Variants in MAF observed in about 807,000 individuals in gnomAD.
MAF encodes the protein MAF bZIP transcription factor.
A neutral mutation model predicts 22.0 loss-of-function variants in MAF; 10 were observed. That is an observed-to-expected ratio of 0.45 (90% confidence interval 0.28 to 0.77). The LOEUF (loss-of-function observed/expected upper bound fraction) is 0.77. Ranked by LOEUF, MAF falls within the 30% of genes least tolerant of loss-of-function variation. The probability of loss-of-function intolerance (pLI) is 0.12; values close to 1 mark genes in which losing one functional copy is unlikely to be tolerated. For synonymous variants in MAF, 337 were observed against 255.8 expected (o/e 1.32, Z -3.03); for missense variants, 544 against 548.4 (o/e 0.99, Z 0.08).
chr16:79,430,118 C>G, the MAF span, among the ~76,000 whole-genome samples: 1 of 152,316 alleles, frequency 6.6e-6, no homozygotes, highest in East Asian at 1.9e-4. Flanking sequence ...CCCAGCCTCC[C>G]GCTTCAGCTC....
downstream of MAF, chr16:79,593,835 G>A (rs539981656): frequency 2.2e-5 from 4 of 180,876 alleles, no homozygotes; most frequent in Non-Finnish European, 3.5e-5. Flanking sequence ...CACACAGAGG[G>A]TGTGTATTTA....
chr16:79,389,171 G>A, the MAF span, among the ~76,000 whole-genome samples: 1 of 152,160 alleles, frequency 6.6e-6, no homozygotes, highest in Non-Finnish European at 1.5e-5. Context: ...GCAGCCAATG[G>A]TCAGACCCCA....
the MAF span, among the ~76,000 whole-genome samples, chr16:79,381,501 G>C: frequency 6.6e-6 from 1 of 152,212 alleles, no homozygotes; most frequent in African/African-American, 2.4e-5. Flanking sequence ...AAAAGAAAGA[G>C]CGCTGTGGTT....
the MAF span, among the ~76,000 whole-genome samples, chr16:79,334,529 T>C: frequency 5.8e-3 from 877 of 152,290 alleles, 7 homozygotes; most frequent in Non-Finnish European, 6.9e-3. Flanking sequence ...CATGGAATAA[T>C]TCATTGATCT....
At chr16:79,252,751 A>C in the MAF span, among the ~76,000 whole-genome samples, 1 of 152,100 alleles carries the variant, frequency 6.6e-6, no homozygotes, top group Non-Finnish European at 1.5e-5. Context: ...CAGGCTCCCA[A>C]AGTGCTGGGA....
chr16:79,432,508 T>C, the MAF span, among the ~76,000 whole-genome samples: 21 of 152,266 alleles, frequency 1.4e-4, no homozygotes, highest in East Asian at 3.9e-3. Context: ...TAAATAAAAG[T>C]TATATGAATA....
At chr16:79,544,355 T>C in the MAF span, among the ~76,000 whole-genome samples, 1 of 152,104 alleles carries the variant, frequency 6.6e-6, no homozygotes, top group Non-Finnish European at 1.5e-5. Context: ...ACAACACAGA[T>C]CTAGAAGAGT....
the MAF span, among the ~76,000 whole-genome samples, chr16:79,466,521 A>G: frequency 6.6e-6 from 1 of 152,204 alleles, no homozygotes; most frequent in African/African-American, 2.4e-5. Flanking sequence ...ACCGTCTTAT[A>G]CTCATCAAGG....
chr16:79,430,376 G>A, the MAF span, among the ~76,000 whole-genome samples: 4 of 152,162 alleles, frequency 2.6e-5, no homozygotes. Flanking sequence ...ACTAGCCACC[G>A]CAGGTGTCAA....
At chr16:79,339,207 C>A in the MAF span, among the ~76,000 whole-genome samples, 2 of 151,904 alleles carry the variant, frequency 1.3e-5, 1 homozygote, top group Admixed American at 1.3e-4. Flanking sequence ...GTAGCTGGTA[C>A]TACAGGCACC....
At chr16:79,268,975 A>G in the MAF span, among the ~76,000 whole-genome samples, 5 of 152,346 alleles carry the variant, frequency 3.3e-5, no homozygotes, top group African/African-American at 1.2e-4. Context: ...ATTAAGAGAT[A>G]AAAGCTCCTC....
At chr16:79,381,394 A>T in the MAF span, among the ~76,000 whole-genome samples, 1 of 152,338 alleles carries the variant, frequency 6.6e-6, no homozygotes, top group African/African-American at 2.4e-5. Context: ...CGAAGCCCAG[A>T]TAAGTGTGTT....
At chr16:79,433,279 T>A in the MAF span, among the ~76,000 whole-genome samples, 16,109 of 129,994 alleles carry the variant, frequency 0.12, 981 homozygotes, top group East Asian at 0.23. Flanking sequence ...AAAAAAAAAA[T>A]ATATATATAT....
At chr16:79,507,626 T>C in the MAF span, among the ~76,000 whole-genome samples, 6 of 151,698 alleles carry the variant, frequency 4.0e-5, no homozygotes, top group Admixed American at 1.3e-4. Flanking sequence ...GGGGTTTCAC[T>C]ATGTTAGCCA....
At chr16:79,305,913 T>C in the MAF span, among the ~76,000 whole-genome samples, 1 of 152,320 alleles carries the variant, frequency 6.6e-6, no homozygotes, top group Middle Eastern at 3.4e-3. Context: ...CATGCTTTTC[T>C]GCCACCCAAG....
At chr16:79,446,438 A>G in the MAF span, among the ~76,000 whole-genome samples, 1 of 152,130 alleles carries the variant, frequency 6.6e-6, no homozygotes, top group Non-Finnish European at 1.5e-5. Flanking sequence ...TGTGAGTATT[A>G]ATAGCACCCT....
At chr16:79,500,698 G>A in the MAF span, among the ~76,000 whole-genome samples, 3 of 152,196 alleles carry the variant, frequency 2.0e-5, no homozygotes, top group African/African-American at 4.8e-5. Context: ...TCGTCTCTGG[G>A]AAAGGTACAC....
the MAF span, among the ~76,000 whole-genome samples, chr16:79,563,622 A>C: frequency 2.0e-5 from 3 of 152,110 alleles, no homozygotes; most frequent in South Asian, 2.1e-4. Context: ...AAATCATTTT[A>C]GCTGTTTCTC....
At chr16:79,595,012 A>C in intron 1 of MAF, 5 of 1,059,772 alleles carry the variant, frequency 4.7e-6, no homozygotes, top group Non-Finnish European at 5.7e-6. Context: ...CCAGAATATC[A>C]CTCTTATTTT....
Sources: allele counts gnomAD v4.1 joint callset (sites outside exome capture counted in the v4.1 genomes callset), GRCh38; gene constraint gnomAD v4.1.1; transcripts MANE v1.5; gene names NCBI Gene and HGNC (gene_info 2026-07-23, HGNC 2026-07-21).